The following CFHR3 variants were observed in gnomAD, a reference collection of about 807,000 sequenced individuals.
CFHR3 encodes complement factor H-related protein 3.
A neutral mutation model predicts 36.0 loss-of-function variants in CFHR3; 22 were observed. The ratio of observed to expected loss-of-function variants is 0.61; its 90% CI spans 0.44 to 0.87. The LOEUF (loss-of-function observed/expected upper bound fraction) is 0.87. CFHR3 is among the 40% of genes least tolerant of loss of function. The pLI is 0.00. For missense variants in CFHR3, 276 were observed against 401.3 expected (o/e 0.69, Z 2.67); for synonymous variants, 97 against 137.4 (o/e 0.71, Z 2.06).
intron 1 of CFHR3, among the ~76,000 whole-genome samples, chr1:196,778,163 CTG>C (rs1342444805): frequency 7.4e-6 from 1 of 135,136 alleles, no homozygotes; most frequent in Non-Finnish European, 1.6e-5. Context: ...CAGCAGAAAA[CTG>C]TGCATCCATG....
intron 1 of CFHR3, among the ~76,000 whole-genome samples, chr1:196,777,499 G>A (rs758411942): frequency 7.3e-6 from 1 of 136,242 alleles, no homozygotes; most frequent in Non-Finnish European, 1.6e-5. Context: ...TGGCTTCTGT[G>A]TATATTTCAC....
Position 196,778,905 on chromosome 1 carries a change from G to GT in CFHR3, c.59-255dup, listed in dbSNP as rs569872443. 2.3e-3 allele frequency among the ~76,000 whole-genome samples: 315 copies of GT among 136,552 alleles called. 48 individuals are homozygous for GT. Among genetic ancestry groups the GT allele is most frequent in the Non-Finnish European group, 3.9e-3 (250 of 64,368 alleles). 89.6% of individuals were successfully genotyped at this position (136,552 alleles called of 152,430 possible). A position where few individuals can be genotyped will look rare whatever the true frequency, so the allele number is the denominator to read the frequency against. On this transcript the variant is annotated intron_variant, in intron 1 of 5. Coordinates refer to ENST00000367425, the MANE Select transcript of CFHR3 (RefSeq NM_021023.6). ...GTAGAAGTAGAGAAAGTAGAATGAG[G>GT]TTCTTCTTGTCCTGTTAGCTGATTT...
chr1:196,788,262 C>T lies in CFHR3; in HGVS notation c.477C>T (p.Ser159=), dbSNP rs400344. ...TAGAAATTGAAAATGGATTCATTTC[C>T]GAATCTTCCTCTATTTATATTTTAA... ...SDIEIENGFI[S]ESSSIYILNK... Residue 159 remains serine (S), a synonymous_variant, in exon 4 of 6, where the codon TCC becomes TCT. Transcript: ENST00000367425. 534,639 of 1,185,514 alleles carry T rather than the reference C, an allele frequency of 0.45. 193,775 individuals carry two copies. Among genetic ancestry groups the T allele is most frequent in the East Asian group, 0.93 (38,736 of 41,436 alleles). 73.4% of individuals were successfully genotyped at this position (1,185,514 alleles called of 1,614,324 possible).
rs1165309779 is a variant in CFHR3 at position 196,779,471 on chromosome 1, T to A, written c.253+115T>A. 1.3e-4 allele frequency: 118 copies of A among 901,064 alleles called. 21 individuals are homozygous for A. The Middle Eastern group carries it at 1.5e-3, about 11-fold the overall frequency. The allele number at this position is 901,064 out of a possible 1,614,324, so 55.8% of individuals were successfully genotyped here. ...AACAGAAATAGGGCCAAGAAATGAGTTGTTCAAGCAAAATGACCAAAATAG... is the reference window on the plus strand; with the variant it reads ...AACAGAAATAGGGCCAAGAAATGAGATGTTCAAGCAAAATGACCAAAATAG... On this transcript the variant is annotated intron_variant, in intron 2 of 5. Transcript: ENST00000367425.
chr1:196,790,284 C>T lies in CFHR3; in HGVS notation c.796+57C>T. The T allele has an allele frequency of 3.1e-6, 3 of 957,118 alleles. 1 individual carries two copies. The highest frequency in any genetic ancestry group is 4.4e-6 in the Non-Finnish European group (3 of 681,876). The allele number at this position is 957,118 out of a possible 1,614,324, so 59.3% of individuals were successfully genotyped here. ...ATCAGAGTAATAAGTTTGATATTTG[C>T]TTTTTTATACTAGAATTTTTATGGG... On this transcript the variant is annotated intron_variant, in intron 5 of 5. Transcript: ENST00000367425.
At chr1:196,789,961 G>T in intron 4 of CFHR3, 84 bp from the exon 5 acceptor site, 1 of 1,214,614 alleles carries the variant, frequency 8.2e-7, no homozygotes, top group Non-Finnish European at 1.1e-6. Flanking sequence ...ATAAGATACA[G>T]TTAAGAGTAT....
At chr1:196,784,029 C>T (rs1357108373) in intron 3 of CFHR3, among the ~76,000 whole-genome samples, 1 of 136,448 alleles carries the variant, frequency 7.3e-6, no homozygotes, top group Non-Finnish European at 1.6e-5. Context: ...TTTCAAAGAA[C>T]ATCTTTATTT....
chr1:196,786,891 C>T (rs1654228739), intron 3 of CFHR3, among the ~76,000 whole-genome samples: 1 of 137,592 alleles, frequency 7.3e-6, no homozygotes, highest in Admixed American at 7.0e-5. Flanking sequence ...CACCCGTCTT[C>T]TGCGTCGCTC....
rs1293774954 is a variant in CFHR3 at position 196,788,741 on chromosome 1, T to C, written c.613+343T>C. ...TCCCTTTCTTTGTATTTCAAAATTA[T>C]CAGCTGCTTGTATTGCATTCCGTGC... On this transcript the variant is annotated intron_variant, in intron 4 of 5. Transcript: ENST00000367425. The C allele has an allele frequency of 1.4e-6, 2 of 1,452,462 alleles. 1 individual carries two copies. Among genetic ancestry groups the C allele is most frequent in the African/African-American group, 3.4e-5 (2 of 59,122 alleles). 90.0% of individuals were successfully genotyped at this position (1,452,462 alleles called of 1,614,324 possible). A position where few individuals can be genotyped will look rare whatever the true frequency, so the allele number is the denominator to read the frequency against.
At chr1:196,778,223 T>C (rs2124840025) in intron 1 of CFHR3, among the ~76,000 whole-genome samples, 1 of 134,914 alleles carries the variant, frequency 7.4e-6, no homozygotes, top group Admixed American at 7.1e-5. Context: ...CCAACAAGCC[T>C]CTGGAGCCAG....
In CFHR3 at chr1:196,774,903, A is replaced by G; in HGVS notation, c.17A>G (p.Asn6Ser). The change falls in exon 1 of 6, where the codon AAT becomes AGT. Residue 6 changes from asparagine to serine, a missense_variant. Around this residue, in one of 3 missense-constraint regions of CFHR3, gnomAD observed 178 missense variants for 247.2 expected, o/e 0.72. Transcript: ENST00000367425. The stretch of plus-strand genomic sequence containing the variant: ...ATATCTAACATGTTGTTACTAATCA[A>G]TGTCATTCTGACCTTGTGGGTTTCC... MLLLI[N>S]VILTLWVSCA... The G allele has an allele frequency of 1.3e-6, 2 of 1,529,416 alleles. No homozygotes were observed. The highest frequency in any genetic ancestry group is 1.7e-5 in the Admixed American group (1 of 57,758). 94.7% of individuals were successfully genotyped at this position (1,529,416 alleles called of 1,614,324 possible).
intron 4 of CFHR3, chr1:196,789,374 A>G: frequency 1.1e-6 from 1 of 900,020 alleles, no homozygotes; most frequent in South Asian, 5.3e-5. Context: ...GAATTCCTAC[A>G]TTTCTAGAAT....
At chr1:196,790,552 C>T (rs1273652029) in intron 5 of CFHR3, among the ~76,000 whole-genome samples, 10 of 134,628 alleles carry the variant, frequency 7.4e-5, no homozygotes, top group African/African-American at 1.9e-4. Flanking sequence ...TGGTGAACCC[C>T]GTATCTACAA....
At position 196,787,911 on chromosome 1, in the gene CFHR3, T is replaced by A. The variant is rs1415443446; in HGVS notation, c.431-305T>A. On this transcript the variant is annotated intron_variant, in intron 3 of 5. Transcript: ENST00000367425. ...TTGTTGCAAAGTAGCCAGAAAGTCT[T>A]CCAAAATTTCATTAGGGACTGGAGA... 1.5e-5 allele frequency among the ~76,000 whole-genome samples: 2 copies of A among 137,012 alleles called. 1 individual carries two copies. Among genetic ancestry groups the A allele is most frequent in the Non-Finnish European group, 3.1e-5 (2 of 64,604 alleles). The allele number at this position is 137,012 out of a possible 152,430, so 89.9% of individuals were successfully genotyped here.
At position 196,779,200 on chromosome 1, in the gene CFHR3, C is replaced by T. The variant is rs1558196552; in HGVS notation, c.97C>T (p.Leu33=). The part of the protein sequence containing the change: ...CDFPDIKHGG[L]FHENMRRPYF... ...TTTTCCAGACATTAAACATGGAGGT[C>T]TATTTCATGAGAATATGCGTAGACC... The change falls in exon 2 of 6, where the codon CTA becomes TTA. Residue 33 remains leucine (L), a synonymous_variant. Transcript: ENST00000367425. 46 of 1,530,008 alleles carry T rather than the reference C, an allele frequency of 3.0e-5. 8 individuals carry two copies. The highest frequency in any genetic ancestry group is 3.9e-5 in the Non-Finnish European group (44 of 1,130,632). The allele number at this position is 1,530,008 out of a possible 1,614,324, so 94.8% of individuals were successfully genotyped here.
At position 196,777,688 on chromosome 1, in the gene CFHR3, C is replaced by T. The variant is rs561439649; in HGVS notation, c.59-1474C>T. Among the ~76,000 whole-genome samples, 5 of 136,168 alleles carry T rather than the reference C, an allele frequency of 3.7e-5. 1 individual carries two copies. Among genetic ancestry groups the T allele is most frequent in the Admixed American group, 1.4e-4 (2 of 14,078 alleles). The allele number at this position is 136,168 out of a possible 152,430, so 89.3% of individuals were successfully genotyped here. ...ACTACAGTTTCGAAATTATCACTGACTAAGAAAAGTAATTTTTGGTCGAGC... is the reference window on the plus strand; with the variant it reads ...ACTACAGTTTCGAAATTATCACTGATTAAGAAAAGTAATTTTTGGTCGAGC... On this transcript the variant is annotated intron_variant, in intron 1 of 5. Coordinates refer to ENST00000367425, the MANE Select transcript of CFHR3 (RefSeq NM_021023.6).
At chr1:196,776,848 T>C (rs1469706742) in intron 1 of CFHR3, among the ~76,000 whole-genome samples, 1 of 135,858 alleles carries the variant, frequency 7.4e-6, no homozygotes. Context: ...TATATATATA[T>C]ATACCCACCA....
In CFHR3 at chr1:196,780,601, T is replaced by C. The variant is rs1490760304; in HGVS notation, c.430+628T>C. Among the ~76,000 whole-genome samples, 7 of 136,674 alleles carry C rather than the reference T, an allele frequency of 5.1e-5. 2 individuals carry two copies. Among genetic ancestry groups the C allele is most frequent in the African/African-American group, 2.1e-4 (7 of 32,826 alleles). 89.7% of individuals were successfully genotyped at this position (136,674 alleles called of 152,430 possible). On this transcript the variant is annotated intron_variant, in intron 3 of 5. Transcript: ENST00000367425. Reference sequence around the variant, plus strand: ...AGTTTGATTTCTTTTATTTATCTTTTTGGGAGTTTTGGTTGTTATTAGTTG... The same window carrying C: ...AGTTTGATTTCTTTTATTTATCTTTCTGGGAGTTTTGGTTGTTATTAGTTG...
At chr1:196,791,769 T>G (rs185161016) in intron 5 of CFHR3, among the ~76,000 whole-genome samples, 3 of 134,778 alleles carry the variant, frequency 2.2e-5, no homozygotes, top group Non-Finnish European at 4.7e-5. Context: ...TCTTCAAACT[T>G]GATTTCATAG....
Sources: allele counts gnomAD v4.1 joint callset (sites outside exome capture counted in the v4.1 genomes callset), GRCh38; gene constraint gnomAD v4.1.1; regional missense constraint gnomAD v4.1.1; transcripts MANE v1.5; gene names NCBI Gene and HGNC (gene_info 2026-07-23, HGNC 2026-07-21).